Variants in ARHGAP33 observed in about 807,000 individuals in gnomAD.
ARHGAP33 encodes rho GTPase-activating protein 33.
Under a neutral mutation model 126.2 loss-of-function variants are expected in ARHGAP33, and 57 were observed. The observed-to-expected ratio is 0.45, with a 90% CI of 0.36 to 0.56. The LOEUF (loss-of-function observed/expected upper bound fraction) is 0.56. Among genes scored for constraint, ARHGAP33 ranks in the 20% least tolerant of loss-of-function variants. The pLI is 0.00. For synonymous variants in ARHGAP33, 711 were observed against 755.0 expected, an observed-to-expected ratio of 0.94 and a Z score of 0.95; for missense variants, 1,500 against 1,748.3, an observed-to-expected ratio of 0.86 and a Z score of 2.53.
rs367705188 is a variant in ARHGAP33, at chr19:35,782,700, C to T, written c.1313+21C>T. On this transcript the variant is annotated intron_variant, in intron 14 of 20. Transcript: ENST00000007510. This position sits in a 1 kb window ranked among gnomAD's most constrained non-coding sequence, Gnocchi z 4.1. ...TACAGGTAAACCAGGAGGGGCAGGG[C>T]GGGACTTGGTGGGATTCCAAGGGGG... 1.7e-4 allele frequency: 277 copies of T among 1,610,266 alleles called. No individual in the cohort carries two copies. Among genetic ancestry groups the T allele is most frequent in the Middle Eastern group, 9.9e-4 (6 of 6,078 alleles).
chr19:35,777,468 C>T (rs1417308959), intron 1 of ARHGAP33, 177 bp from the exon 2 acceptor site: 3 of 619,402 alleles, frequency 4.8e-6, no homozygotes, highest in Admixed American at 5.2e-5. Context: ...AGACCACACA[C>T]GAAGAAGCAG....
intron 6 of ARHGAP33, 107 bp from the exon 7 acceptor site, chr19:35,780,104 C>A: frequency 6.9e-7 from 1 of 1,456,486 alleles, no homozygotes; most frequent in Non-Finnish European, 9.4e-7. Context: ...GTGACAGGGG[C>A]TCTTGACGGG....
In ARHGAP33 at chr19:35,777,868, C is replaced by CT; in HGVS notation, c.149_150insT (p.His51ProfsTer8). 1 of 1,614,214 alleles carries CT rather than the reference C, an allele frequency of 6.2e-7. No homozygotes were observed. On this transcript the variant is annotated frameshift_variant, in exon 3 of 21. Coordinates refer to ENST00000007510, the MANE Select transcript of ARHGAP33 (RefSeq NM_001366178.1). LOFTEE classifies it high-confidence loss of function. ...CCCTTCCCGCGGCTGGCTGACTGCG[C>CT]CCATTTCCACTACGAGAACGTTGAC...
At position 35,782,857 on chromosome 19, in the gene ARHGAP33, C is replaced by T; in HGVS notation, c.1409C>T (p.Pro470Leu). 6.2e-7 allele frequency: 1 copy of T among 1,612,448 alleles called. No individual in the cohort carries two copies. The highest frequency in any genetic ancestry group is 8.5e-7 in the Non-Finnish European group (1 of 1,179,240). ...CGCAACCTGGCCATTGTCTGGGCAC[C>T]CAACCTGCTACGGTGAGCTGCTTGC... The part of the protein sequence containing the change: ...HARNLAIVWA[P>L]NLLRSMELES... The change falls in exon 15 of 21, where the codon CCC (proline) becomes CTC (leucine). Residue 470 changes from proline to leucine, a missense_variant. Transcript: ENST00000007510. This position sits in a 1 kb window ranked among gnomAD's most constrained non-coding sequence, Gnocchi z 4.1.
At position 35,782,483 on chromosome 19, in the gene ARHGAP33, C is replaced by T; in HGVS notation, c.1196C>T (p.Pro399Leu). 6.2e-7 allele frequency: 1 copy of T among 1,613,466 alleles called. No homozygotes were observed. Among genetic ancestry groups the T allele is most frequent in the Non-Finnish European group, 8.5e-7 (1 of 1,179,442 alleles). ...CTCTACTTCCGAGAGCTTCCGAACCCTCTGCTCACCTACCAGCTCTATGGG... is the reference window on the plus strand; with the variant it reads ...CTCTACTTCCGAGAGCTTCCGAACCTTCTGCTCACCTACCAGCTCTATGGG... ...CKLYFRELPN[P>L]LLTYQLYGKF... Residue 399 changes from proline (P) to leucine (L), a missense_variant, in exon 13 of 21, where the codon CCT (proline) becomes CTT (leucine). This residue lies in a region of ARHGAP33 where 281 missense variants were observed against 413.7 expected (regional missense o/e 0.68). Transcript: ENST00000007510. This position sits in a 1 kb window ranked among gnomAD's most constrained non-coding sequence, Gnocchi z 4.1.
rs28593619 is a variant in ARHGAP33 at position 35,788,415 on chromosome 19, C to T, written c.3850C>T (p.Arg1284Ter). The change falls in exon 21 of 21, where the codon CGA (arginine) becomes TGA (stop). Residue 1284 changes from arginine (R) to a stop codon, truncating the protein, a stop_gained. Transcript: ENST00000007510. LOFTEE classifies it high-confidence loss of function. ...GTCCCTCCACTCTGAGGGCCAGACCCGAAGCTACTGCTGAGCACCAGCTGG... is the reference window on the plus strand; with the variant it reads ...GTCCCTCCACTCTGAGGGCCAGACCTGAAGCTACTGCTGAGCACCAGCTGG... ...SWSLHSEGQT[R>*]SYC 9.6e-6 allele frequency: 15 copies of T among 1,570,162 alleles called. No individual in the cohort carries two copies. The East Asian group carries it at 2.1e-4, about 22-fold the overall frequency.
rs531603509 is a variant in ARHGAP33, at chr19:35,782,060, C to T, written c.1086-313C>T. Among the ~76,000 whole-genome samples, 7 of 152,302 alleles carry T rather than the reference C, an allele frequency of 4.6e-5. No individual in the cohort carries two copies. Among genetic ancestry groups the T allele is most frequent in the South Asian group, 4.1e-4 (2 of 4,828 alleles). ...GTCCACATTTTCCAGTGCCCTCTTA[C>T]AGCCAGGAGAATGGCAGCTGCATGG... On this transcript the variant is annotated intron_variant, in intron 12 of 20. Transcript: ENST00000007510. This position sits in a 1 kb window ranked among gnomAD's most constrained non-coding sequence, Gnocchi z 4.1.
intron 1 of ARHGAP33, 64 bp downstream of exon 1, chr19:35,775,728 G>A (rs1971417408): frequency 7.1e-7 from 1 of 1,417,494 alleles, no homozygotes; most frequent in African/African-American, 1.5e-5. Flanking sequence ...GCGCAGCCCC[G>A]CCCCGCGCGC....
chr19:35,777,973 T>C, intron 3 of ARHGAP33, 65 bp downstream of exon 3: 1 of 1,559,946 alleles, frequency 6.4e-7, no homozygotes, highest in African/African-American at 1.4e-5. Context: ...TGCAACGATA[T>C]CAGGTGCTTT....
rs199806241 is a variant in ARHGAP33 at position 35,785,185 on chromosome 19, G to A, written c.1722-4G>A. The stretch of plus-strand genomic sequence containing the variant: ...CGGCCTCCTGTTTCTCCCCCAAACC[G>A]CAGGAGGAAAGGGGAGAGAGGGGAG... On this transcript the variant is annotated splice_region_variant and splice_polypyrimidine_tract_variant and intron_variant, in intron 17 of 20. Transcript: ENST00000007510. 6 of 1,574,690 alleles carry A rather than the reference G, an allele frequency of 3.8e-6. No homozygotes were observed. Among genetic ancestry groups the A allele is most frequent in the Admixed American group, 1.8e-5 (1 of 54,530 alleles).
In ARHGAP33 at chr19:35,787,611, G is replaced by A; in HGVS notation, c.3046G>A (p.Ala1016Thr). The A allele has an allele frequency of 6.2e-7, 1 of 1,604,834 alleles. No homozygotes were observed. The highest frequency in any genetic ancestry group is 8.5e-7 in the Non-Finnish European group (1 of 1,177,258). Residue 1016 changes from alanine to threonine, a missense_variant, in exon 21 of 21, where the codon GCA becomes ACA. Ala to Thr is a moderately conservative substitution (Grantham distance 58). Around this residue, in one of 6 missense-constraint regions of ARHGAP33, gnomAD observed 642 missense variants for 634.0 expected, o/e 1.01. Coordinates refer to ENST00000007510, the MANE Select transcript of ARHGAP33 (RefSeq NM_001366178.1). ...GGGGRDAPEA[A>T]AQSPCSVPSQ... ...CGGGGGCAGGGATGCGCCAGAGGCAGCAGCCCAGTCCCCATGTTCTGTCCC... is the reference window on the plus strand; with the variant it reads ...CGGGGGCAGGGATGCGCCAGAGGCAACAGCCCAGTCCCCATGTTCTGTCCC...
At position 35,787,571 on chromosome 19, in the gene ARHGAP33, G is replaced by T. The variant is rs1388367729; in HGVS notation, c.3006G>T (p.Gln1002His). ...GLRGPAQVSA[Q>H]LRAGGGGRDA... ...GAGGCCCTGCCCAGGTCAGTGCCCA[G>T]CTCAGGGCAGGTGGCGGGGGCAGGG... The change falls in exon 21 of 21, where the codon CAG becomes CAT. Residue 1002 changes from glutamine (Q) to histidine (H), a missense_variant. Gln to His is a conservative substitution (Grantham distance 24, BLOSUM62 0). Coordinates refer to ENST00000007510, the MANE Select transcript of ARHGAP33 (RefSeq NM_001366178.1). 1.2e-6 allele frequency: 2 copies of T among 1,610,076 alleles called. No homozygotes were observed. The highest frequency in any genetic ancestry group is 3.4e-5 in the Admixed American group (2 of 59,084).
In ARHGAP33 at chr19:35,782,409, T is replaced by C. The variant is rs1971843940; in HGVS notation, c.1122T>C (p.Ser374=). The C allele has an allele frequency of 6.2e-7, 1 of 1,611,852 alleles. No homozygotes were observed. The highest frequency in any genetic ancestry group is 1.3e-5 in the African/African-American group (1 of 74,904). ...ACAGTGAGAGGATCCCGGAGCTGTC[T>C]GGCCCTGCATTCCTGCAGGACATCC... ...EFDSERIPEL[S]GPAFLQDIHS... Residue 374 remains serine, a synonymous_variant, in exon 13 of 21, where the codon TCT becomes TCC. Transcript: ENST00000007510. The surrounding 1 kb of genome is among the most constrained non-coding windows in gnomAD (Gnocchi z 4.1).
intron 15 of ARHGAP33, 142 bp downstream of exon 15, chr19:35,783,011 G>A (rs1452749489): frequency 4.3e-6 from 3 of 700,974 alleles, no homozygotes; most frequent in Non-Finnish European, 7.2e-6. Flanking sequence ...CCTAGCACTG[G>A]GGACCCAGCA....
chr19:35,784,147 C>T, intron 15 of ARHGAP33, 25 bp from the exon 16 acceptor site: 2 of 1,596,148 alleles, frequency 1.3e-6, no homozygotes, highest in Non-Finnish European at 8.6e-7. Context: ...AGGCACCCAG[C>T]CTCCCTCCCG....
At chr19:35,787,130 C>G (rs755730823) in intron 20 of ARHGAP33, 38 bp from the exon 21 acceptor site, 4 of 1,604,172 alleles carry the variant, frequency 2.5e-6, no homozygotes, top group South Asian at 2.2e-5. Flanking sequence ...CTCTGAGGGC[C>G]TGGCCCCAGC....
At chr19:35,776,053 C>T in intron 1 of ARHGAP33, among the ~76,000 whole-genome samples, 1 of 148,630 alleles carries the variant, frequency 6.7e-6, no homozygotes, top group Non-Finnish European at 1.5e-5. Flanking sequence ...CCCGGCGGAG[C>T]CCCCTCCTCC....
intron 6 of ARHGAP33, among the ~76,000 whole-genome samples, chr19:35,779,452 T>C (rs1345669649): frequency 6.6e-6 from 1 of 152,108 alleles, no homozygotes; most frequent in Non-Finnish European, 1.5e-5. Context: ...TTTCTTGAGA[T>C]GGAGTTTTAC....
Position 35,787,022 on chromosome 19 carries a change from C to G in ARHGAP33, c.2552C>G (p.Ala851Gly). ...GGAGCCGAGGCCCCGCTGACTGACG[C>G]CTGCCAGCAGGAGATGTGCAGCAAG... ...LRGAEAPLTD[A>G]CQQEMCSKLR... The change falls in exon 20 of 21, where the codon GCC becomes GGC. Residue 851 changes from alanine to glycine, a missense_variant. Coordinates refer to ENST00000007510, the MANE Select transcript of ARHGAP33 (RefSeq NM_001366178.1). The G allele has an allele frequency of 6.2e-7, 1 of 1,609,592 alleles. No individual in the cohort carries two copies. The highest frequency in any genetic ancestry group is 2.2e-5 in the East Asian group (1 of 44,782).
Sources: allele counts gnomAD v4.1 joint callset (sites outside exome capture counted in the v4.1 genomes callset), GRCh38; gene constraint gnomAD v4.1.1; regional missense constraint gnomAD v4.1.1; non-coding constraint Gnocchi (gnomAD v3.1); transcripts MANE v1.5; gene names NCBI Gene and HGNC (gene_info 2026-07-23, HGNC 2026-07-21).